The following SH2B2 variants were observed in gnomAD, a reference collection of about 807,000 sequenced individuals.
SH2B2 encodes the protein SH2B adaptor protein 2.
In SH2B2, 37 loss-of-function variants were observed where a neutral mutation model predicts 35.7. The observed-to-expected ratio is 1.04, with a 90% confidence interval of 0.80 to 1.36. The LOEUF (loss-of-function observed/expected upper bound fraction) is 1.36. Among genes scored for constraint, SH2B2 ranks in the 40% most tolerant of loss-of-function variants. The pLI is 0.00. For synonymous variants in SH2B2, 383 were observed against 376.4 expected, an observed-to-expected ratio of 1.02 and a Z score of -0.20; for missense variants, 852 against 817.7, an observed-to-expected ratio of 1.04 and a Z score of -0.51.
In SH2B2 at chr7:102,301,014, G is replaced by T; in HGVS notation, c.464G>T (p.Arg155Leu). Reference protein sequence around the residue: ...VDGVRDMWHRRASPEPDAAAA... With the variant: ...VDGVRDMWHRLASPEPDAAAA... ...GGCGTGCGCGACATGTGGCACCGGC[G>T]CGCCTCGCCCGAGCCCGACGCGGCA... Residue 155 changes from arginine (R) to leucine (L), a missense_variant, in exon 2 of 9, where the codon CGC (arginine) becomes CTC (leucine). This residue lies in a region of SH2B2 where 294 missense variants were observed against 286.6 expected (regional missense o/e 1.03). Coordinates refer to ENST00000444095, the MANE Select transcript of SH2B2 (RefSeq NM_001359228.2). 7.1e-7 allele frequency: 1 copy of T among 1,405,856 alleles called. No homozygotes were observed. Among genetic ancestry groups the T allele is most frequent in the Non-Finnish European group, 9.2e-7 (1 of 1,082,184 alleles). The allele number at this position is 1,405,856 out of a possible 1,614,324, so 87.1% of individuals were successfully genotyped here. A position where few individuals can be genotyped will look rare whatever the true frequency, so the allele number is the denominator to read the frequency against.
At chr7:102,313,894 G>C (rs1793717566) in intron 4 of SH2B2, among the ~76,000 whole-genome samples, 2 of 151,672 alleles carry the variant, frequency 1.3e-5, no homozygotes, top group South Asian at 2.1e-4. Flanking sequence ...CCTGGCAACA[G>C]AGTGAGACTC....
In SH2B2 at chr7:102,289,561, C is replaced by G. The variant is rs528559270; in HGVS notation, c.-30+2467C>G. Among the ~76,000 whole-genome samples the G allele has an allele frequency of 1.1e-4, 16 of 152,248 alleles. No homozygotes were observed. In the East Asian group the frequency reaches 2.9e-3, roughly 28 times the overall value. On this transcript the variant is annotated intron_variant, in intron 1 of 8. Coordinates refer to ENST00000444095, the MANE Select transcript of SH2B2 (RefSeq NM_001359228.2). ...GAGATCAGCCAGGCTGGGAGTTGAG[C>G]TCAGAGAAAGGCCCAGGGAAGCTTT...
In SH2B2 at chr7:102,321,458, C is replaced by T; in HGVS notation, c.1727C>T (p.Ala576Val). 1 of 1,230,872 alleles carries T rather than the reference C, an allele frequency of 8.1e-7. No homozygotes were observed. The allele number at this position is 1,230,872 out of a possible 1,614,324, so 76.2% of individuals were successfully genotyped here. A position where few individuals can be genotyped will look rare whatever the true frequency, so the allele number is the denominator to read the frequency against. The change falls in exon 9 of 9, where the codon GCC (alanine) becomes GTC (valine). Residue 576 changes from alanine to valine, a missense_variant. By Grantham distance (64) the Ala-to-Val change is moderately conservative. Transcript: ENST00000444095. The stretch of plus-strand genomic sequence containing the variant: ...TCGTCTTCCGCCTCGTCGTCCTCTG[C>T]CGCGTCGGGGCCCGCCCCCCCGCGC... ...ASSSSASSSS[A>V]ASGPAPPRPV...
chr7:102,290,716 CTT>C (rs1205934105), intron 1 of SH2B2, among the ~76,000 whole-genome samples: 2 of 152,212 alleles, frequency 1.3e-5, no homozygotes, highest in Non-Finnish European at 2.9e-5. Context: ...AGAAACAACT[CTT>C]TCTTACAGGG....
At chr7:102,285,186 G>A, upstream of SH2B2, 1 of 1,551,170 alleles carries the variant, frequency 6.4e-7, no homozygotes, top group Non-Finnish European at 8.7e-7. Flanking sequence ...TCCTGCCCAT[G>A]GCTTCCCATC....
chr7:102,317,368 G>A lies in SH2B2; in HGVS notation c.1368G>A (p.Leu456=), dbSNP rs782449925. The change falls in exon 7 of 9, where the codon CTG becomes CTA. Residue 456 remains leucine (L), a synonymous_variant. Transcript: ENST00000444095. The part of the protein sequence containing the change: ...QSETRPGEYV[L]TFNFQGKAKH... Reference sequence around the variant, plus strand: ...AGACTCGGCCTGGGGAGTACGTGCTGACCTTCAACTTCCAGGGCAAGGCCA... The same window carrying A: ...AGACTCGGCCTGGGGAGTACGTGCTAACCTTCAACTTCCAGGGCAAGGCCA... 6.3e-7 allele frequency: 1 copy of A among 1,592,504 alleles called. No homozygotes were observed. Among genetic ancestry groups the A allele is most frequent in the South Asian group, 1.1e-5 (1 of 89,524 alleles).
intron 6 of SH2B2, 151 bp from the exon 7 acceptor site, chr7:102,317,033 TAAA>T (rs1250790803): frequency 1.5e-6 from 1 of 646,232 alleles, no homozygotes; most frequent in African/African-American, 1.9e-5. Context: ...AAAAAAAAAA[TAAA>T]AACTAAAAAC....
At chr7:102,306,024 A>G (rs1401641212) in intron 2 of SH2B2, among the ~76,000 whole-genome samples, 2 of 151,512 alleles carry the variant, frequency 1.3e-5, no homozygotes, top group Non-Finnish European at 2.9e-5. Flanking sequence ...TAGCCTCCCA[A>G]ATAGCTGGAA....
intron 1 of SH2B2, among the ~76,000 whole-genome samples, chr7:102,294,956 TG>T (rs1792844289): frequency 6.6e-6 from 1 of 152,122 alleles, no homozygotes; most frequent in Non-Finnish European, 1.5e-5. Context: ...AACCTCCCAG[TG>T]CCTCCCAGGC....
intron 6 of SH2B2, among the ~76,000 whole-genome samples, chr7:102,316,015 C>T (rs1554556930): frequency 6.6e-6 from 1 of 151,986 alleles, no homozygotes; most frequent in East Asian, 1.9e-4. Context: ...CACAGTGGCT[C>T]ATACCTGTAA....
At chr7:102,292,926 G>C (rs1792731385) in intron 1 of SH2B2, among the ~76,000 whole-genome samples, 1 of 152,138 alleles carries the variant, frequency 6.6e-6, no homozygotes, top group African/African-American at 2.4e-5. Flanking sequence ...TGCATAGCTA[G>C]TTTGACCTGT....
intron 7 of SH2B2, among the ~76,000 whole-genome samples, chr7:102,319,158 C>T (rs537249963): frequency 1.3e-5 from 2 of 152,200 alleles, no homozygotes; most frequent in Non-Finnish European, 2.9e-5. Context: ...CAACTCTTTC[C>T]ACCTTCACAG....
At chr7:102,285,181 C>A (rs1356015135), upstream of SH2B2, 5 of 1,550,922 alleles carry the variant, frequency 3.2e-6, no homozygotes, top group African/African-American at 6.8e-5. Flanking sequence ...TATTGTCCTG[C>A]CCATGGCTTC....
chr7:102,299,743 G>C (rs1793073775), intron 1 of SH2B2, among the ~76,000 whole-genome samples: 1 of 152,192 alleles, frequency 6.6e-6, no homozygotes, highest in South Asian at 2.1e-4. Context: ...AACATCAGAA[G>C]AGGTCACTGA....
intron 2 of SH2B2, among the ~76,000 whole-genome samples, chr7:102,306,091 T>G (rs1285702143): frequency 6.7e-6 from 1 of 149,508 alleles, no homozygotes; most frequent in East Asian, 2.0e-4. Flanking sequence ...TTTTGTTTCG[T>G]TTTTTTTTCT....
At position 102,314,696 on chromosome 7, in the gene SH2B2, C is replaced by T; in HGVS notation, c.1186+14C>T. 2.5e-6 allele frequency: 1 copy of T among 398,776 alleles called. No homozygotes were observed. The highest frequency in any genetic ancestry group is 3.6e-5 in the East Asian group (1 of 28,088). 24.7% of individuals were successfully genotyped at this position (398,776 alleles called of 1,614,324 possible). A position where few individuals can be genotyped will look rare whatever the true frequency, so the allele number is the denominator to read the frequency against. Reference sequence around the variant, plus strand: ...GCAATAACACAGGTGCCAGTGGGGACAGCCTGCTCTTCCCATCCCACCTCT... The same window carrying T: ...GCAATAACACAGGTGCCAGTGGGGATAGCCTGCTCTTCCCATCCCACCTCT... On this transcript the variant is annotated intron_variant, in intron 6 of 8. Transcript: ENST00000444095.
At chr7:102,318,273 G>C (rs1554557512) in intron 7 of SH2B2, among the ~76,000 whole-genome samples, 1 of 152,086 alleles carries the variant, frequency 6.6e-6, no homozygotes, top group Non-Finnish European at 1.5e-5. Context: ...CAAGTAGCTG[G>C]GATTACAGAC....
At chr7:102,316,907 T>C (rs1793851790) in intron 6 of SH2B2, among the ~76,000 whole-genome samples, 1 of 151,574 alleles carries the variant, frequency 6.6e-6, no homozygotes, top group South Asian at 2.1e-4. Context: ...TAATCCCAGC[T>C]ACTCGGGAGG....
chr7:102,287,745 C>T (rs2132882393), intron 1 of SH2B2, among the ~76,000 whole-genome samples: 1 of 152,262 alleles, frequency 6.6e-6, no homozygotes, highest in Non-Finnish European at 1.5e-5. Flanking sequence ...CTGCGGGCTG[C>T]GCGGGCCGGA....
Sources: gnomAD v4.1 joint callset for allele counts (sites outside exome capture counted in the v4.1 genomes callset) on GRCh38, gnomAD v4.1.1 for gene constraint, gnomAD v4.1.1 regional missense constraint, MANE v1.5 for transcripts, NCBI Gene and HGNC (gene_info 2026-07-23, HGNC 2026-07-21) for gene names.